The following FAM120B variants were observed in gnomAD, a reference collection of about 807,000 sequenced individuals.
The protein encoded by FAM120B is constitutive coactivator of peroxisome proliferator-activated receptor gamma.
A neutral mutation model predicts 96.3 loss-of-function variants in FAM120B; 83 were observed. That is an observed-to-expected ratio of 0.86 (90% CI 0.72 to 1.03). The LOEUF is 1.03. Ranked by LOEUF, FAM120B falls within the 50% of genes least tolerant of loss-of-function variation. FAM120B has a pLI of 0.00. For missense variants in FAM120B, 1,027 were observed against 1,121.2 expected, an observed-to-expected ratio of 0.92 and a Z score of 1.20; for synonymous variants, 407 against 402.7, an observed-to-expected ratio of 1.01 and a Z score of -0.13.
At position 170,319,090 on chromosome 6, in the gene FAM120B, A is replaced by G; in HGVS notation, c.1700A>G (p.Gln567Arg). 1.3e-6 allele frequency: 2 copies of G among 1,580,386 alleles called. No individual in the cohort carries two copies. Among genetic ancestry groups the G allele is most frequent in the Non-Finnish European group, 1.7e-6 (2 of 1,165,636 alleles). ...AATGTGGGGCCTGAAGTAAAGCAAC[A>G]AGTAACCATGGTTTCAGACACTGAA... ...PTNVGPEVKQQVTMVSDTEIL... is the reference protein window; with the variant it reads ...PTNVGPEVKQRVTMVSDTEIL... The change falls in exon 2 of 11, where the codon CAA becomes CGA. Residue 567 changes from glutamine to arginine, a missense_variant. Physicochemically the swap from Gln to Arg is conservative, Grantham distance 43 (BLOSUM62 1). This residue lies in a region of FAM120B where 880 missense variants were observed against 980.9 expected (regional missense o/e 0.90). Transcript: ENST00000476287.
At chr6:170,335,702 C>G (rs1187437595) in intron 4 of FAM120B, among the ~76,000 whole-genome samples, 1 of 152,198 alleles carries the variant, frequency 6.6e-6, no homozygotes, top group South Asian at 2.1e-4. Flanking sequence ...TTCACCACAT[C>G]CTCGCCAGCA....
upstream of FAM120B, chr6:170,295,267 G>A: frequency 1.6e-6 from 1 of 630,190 alleles, no homozygotes. This position sits in a 1 kb window ranked among gnomAD's most constrained non-coding sequence, Gnocchi z 7.8. Flanking sequence ...CACTCACTGG[G>A]CCATGTCCCC....
chr6:170,364,816 T>G (rs1788670550), intron 6 of FAM120B, among the ~76,000 whole-genome samples: 1 of 152,192 alleles, frequency 6.6e-6, no homozygotes, highest in South Asian at 2.1e-4. Flanking sequence ...CAGATAACTG[T>G]GGTGGCGTTT....
intron 6 of FAM120B, among the ~76,000 whole-genome samples, chr6:170,358,910 C>T (rs975674567): frequency 7.2e-5 from 11 of 152,206 alleles, no homozygotes; most frequent in African/African-American, 2.4e-4. Flanking sequence ...ACTTGTGGAC[C>T]TGGGTACTGG....
intron 2 of FAM120B, among the ~76,000 whole-genome samples, chr6:170,321,321 C>G (rs867501551): frequency 6.6e-6 from 1 of 152,196 alleles, no homozygotes; most frequent in Non-Finnish European, 1.5e-5. Flanking sequence ...ACAACAGTTA[C>G]ATTGGATACA....
chr6:170,304,529 A>G (rs1293709878), upstream of FAM120B, among the ~76,000 whole-genome samples: 1 of 145,388 alleles, frequency 6.9e-6, no homozygotes, highest in African/African-American at 2.8e-5. Flanking sequence ...TATTTTTCAC[A>G]TGTCACATTT....
chr6:170,307,229 GCTGCA>G (rs1166325745), intron 1 of FAM120B, among the ~76,000 whole-genome samples: 1 of 152,228 alleles, frequency 6.6e-6, no homozygotes, highest in African/African-American at 2.4e-5. Flanking sequence ...ATCCTTCGTA[GCTGCA>G]CGACTTTTCT....
chr6:170,294,683 C>T (rs576541142), upstream of FAM120B, among the ~76,000 whole-genome samples: 1 of 152,214 alleles, frequency 6.6e-6, no homozygotes, highest in South Asian at 2.1e-4. This position sits in a 1 kb window ranked among gnomAD's most constrained non-coding sequence, Gnocchi z 7.9. Flanking sequence ...TTCTATTCTC[C>T]AGGTTCGTGT....
chr6:170,315,726 A>G lies in FAM120B; in HGVS notation c.-21-1644A>G, dbSNP rs140714500. Among the ~76,000 whole-genome samples the G allele has an allele frequency of 4.4e-3, 664 of 152,258 alleles. 3 individuals are homozygous for G. Among genetic ancestry groups the G allele is most frequent in the African/African-American group, 0.015 (634 of 41,558 alleles). On this transcript the variant is annotated intron_variant, in intron 1 of 10. Coordinates refer to ENST00000476287, the MANE Select transcript of FAM120B (RefSeq NM_032448.3). ...TCATTATGCAATTAATGAAAATCCC[A>G]TTAATGTGGCTATTAAAAGCATACC...
intron 8 of FAM120B, among the ~76,000 whole-genome samples, chr6:170,392,580 C>T (rs1790533442): frequency 6.6e-6 from 1 of 152,138 alleles, no homozygotes; most frequent in Non-Finnish European, 1.5e-5. Context: ...TTCTTTCATG[C>T]CCTCCTTCAG....
At chr6:170,365,640 T>C (rs910193859) in intron 6 of FAM120B, among the ~76,000 whole-genome samples, 1 of 151,864 alleles carries the variant, frequency 6.6e-6, no homozygotes, top group African/African-American at 2.4e-5. Context: ...AATCAAAGAG[T>C]TGGCAAAACT....
At chr6:170,339,607 G>A (rs1424863492) in intron 4 of FAM120B, among the ~76,000 whole-genome samples, 1 of 151,792 alleles carries the variant, frequency 6.6e-6, no homozygotes, top group African/African-American at 2.4e-5. Flanking sequence ...GTGAAACCTT[G>A]TCTCTACTAA....
intron 1 of FAM120B, among the ~76,000 whole-genome samples, chr6:170,307,916 G>T (rs1225023174): frequency 6.6e-6 from 1 of 152,224 alleles, no homozygotes; most frequent in Non-Finnish European, 1.5e-5. Context: ...AGAGGGAAAA[G>T]CCCAGAATGG....
At chr6:170,302,179 T>C (rs1443119432), upstream of FAM120B, among the ~76,000 whole-genome samples, 1 of 152,316 alleles carries the variant, frequency 6.6e-6, no homozygotes, top group South Asian at 2.1e-4. Context: ...CTCAGGAAAC[T>C]TACAATCGTG....
chr6:170,322,052 G>C (rs141814292), intron 2 of FAM120B, among the ~76,000 whole-genome samples: 1 of 152,274 alleles, frequency 6.6e-6, no homozygotes, highest in African/African-American at 2.4e-5. Flanking sequence ...TTCACTGGAA[G>C]GTAAAACCTA....
At chr6:170,357,309 C>T (rs2115180505) in intron 5 of FAM120B, among the ~76,000 whole-genome samples, 1 of 152,242 alleles carries the variant, frequency 6.6e-6, no homozygotes, top group East Asian at 1.9e-4. Flanking sequence ...TCTCTACCTC[C>T]TCACAGTGTG....
chr6:170,326,606 C>T (rs1443276287), intron 3 of FAM120B, among the ~76,000 whole-genome samples: 1 of 152,188 alleles, frequency 6.6e-6, no homozygotes, highest in Non-Finnish European at 1.5e-5. Context: ...CCACAGTCCC[C>T]GTCACAACTA....
chr6:170,398,479 G>A (rs948477074), intron 9 of FAM120B, among the ~76,000 whole-genome samples: 2 of 151,716 alleles, frequency 1.3e-5, no homozygotes, highest in Admixed American at 6.6e-5. Context: ...AGTGGGGAAG[G>A]TAGAACTATG....
intron 9 of FAM120B, among the ~76,000 whole-genome samples, chr6:170,399,342 T>C (rs898504036): frequency 1.9e-3 from 284 of 148,430 alleles, no homozygotes; most frequent in African/African-American, 6.2e-3. Flanking sequence ...GGTAGAACTA[T>C]GTCATAACCC....
Sources: gnomAD v4.1 joint callset for allele counts (sites outside exome capture counted in the v4.1 genomes callset) on GRCh38, gnomAD v4.1.1 for gene constraint, gnomAD v4.1.1 regional missense constraint, Gnocchi (gnomAD v3.1) non-coding constraint, MANE v1.5 for transcripts, NCBI Gene and HGNC (gene_info 2026-07-23, HGNC 2026-07-21) for gene names.